EP300: variants seen among roughly 807,000 people sequenced by gnomAD.
EP300 encodes histone acetyltransferase p300.
In EP300, 31 loss-of-function variants were observed where a neutral mutation model predicts 264.0. The ratio of observed to expected loss-of-function variants is 0.12; its 90% CI spans 0.09 to 0.16. The LOEUF (loss-of-function observed/expected upper bound fraction) is 0.16. EP300 is among the 10% of genes least tolerant of loss of function. The probability of loss-of-function intolerance (pLI) is 1.00; values close to 1 mark genes in which losing one functional copy is unlikely to be tolerated. For synonymous variants in EP300, 1,340 were observed against 1,045.4 expected, an observed-to-expected ratio of 1.28 and a Z score of -5.44; for missense variants, 2,766 against 3,052.9, an observed-to-expected ratio of 0.91 and a Z score of 2.21.
Position 41,160,635 on chromosome 22 carries a change from C to T in EP300, c.3591-7C>T, listed in dbSNP as rs2145752288. The T allele has an allele frequency of 6.2e-7, 1 of 1,613,682 alleles. No individual in the cohort carries two copies. On this transcript the variant is annotated splice_polypyrimidine_tract_variant and splice_region_variant and intron_variant, in intron 19 of 30. Transcript: ENST00000263253. ...AGTTCACCCCAGTATGGCCTTCTTG[C>T]CGACAGGTATCATTTCTGTGAGAAG...
At chr22:41,148,054 C>T in intron 12 of EP300, 108 bp downstream of exon 12, 1 of 800,224 alleles carries the variant, frequency 1.2e-6, no homozygotes, top group Non-Finnish European at 2.0e-6. Context: ...GACCATAACT[C>T]CTAGTTCTTC....
intron 18 of EP300, among the ~76,000 whole-genome samples, chr22:41,158,209 G>A (rs2059088212): frequency 6.6e-6 from 1 of 152,214 alleles, no homozygotes; most frequent in Admixed American, 6.5e-5. Context: ...GTGATGGAAG[G>A]ATATGACTGC....
chr22:41,161,462 A>G (rs1601627459), intron 20 of EP300, among the ~76,000 whole-genome samples: 1 of 151,976 alleles, frequency 6.6e-6, no homozygotes, highest in Non-Finnish European at 1.5e-5. Flanking sequence ...CTAAAAATAC[A>G]AAAAATTAGC....
At chr22:41,097,520 T>C (rs2058708797) in intron 1 of EP300, among the ~76,000 whole-genome samples, 1 of 152,086 alleles carries the variant, frequency 6.6e-6, no homozygotes, top group African/African-American at 2.4e-5. Flanking sequence ...AAGTGGTAAA[T>C]AGGAAAGAGA....
chr22:41,092,921 G>T lies in EP300; in HGVS notation c.-84G>T. On this transcript the variant is annotated 5_prime_UTR_variant, in exon 1 of 31. Transcript: ENST00000263253. ...GTCGGAGCCCCCCAGCCCACCCCTG[G>T]GTGCGGCGCGGGGACCCCGGGCCGA... is the stretch of plus-strand genomic sequence containing the variant. 6.6e-7 allele frequency: 1 copy of T among 1,504,122 alleles called. No homozygotes were observed. Among genetic ancestry groups the T allele is most frequent in the Non-Finnish European group, 9.3e-7 (1 of 1,080,852 alleles). 93.2% of individuals were successfully genotyped at this position (1,504,122 alleles called of 1,614,324 possible).
intron 2 of EP300, among the ~76,000 whole-genome samples, chr22:41,119,630 A>G (rs2058841355): frequency 6.6e-6 from 1 of 152,104 alleles, no homozygotes; most frequent in Non-Finnish European, 1.5e-5. Context: ...ATGGAGAAAA[A>G]TAAGGAAAGG....
chr22:41,157,456 G>C lies in EP300; in HGVS notation c.3501+48G>C, dbSNP rs1425356901. On this transcript the variant is annotated intron_variant, in intron 18 of 30. Transcript: ENST00000263253. ...GACTTTAACTTTTCTGGGATACCTA[G>C]AATAATATAGTGGTGACTGGGATAA... 2.8e-6 allele frequency: 4 copies of C among 1,435,366 alleles called. No individual in the cohort carries two copies. In the Admixed American group the frequency reaches 7.3e-5, roughly 26 times the overall value. 88.9% of individuals were successfully genotyped at this position (1,435,366 alleles called of 1,614,324 possible). A position where few individuals can be genotyped will look rare whatever the true frequency, so the allele number is the denominator to read the frequency against.
intron 29 of EP300, 28 bp from the exon 30 acceptor site, chr22:41,176,208 AGGCCCTGTCTC>A: frequency 6.2e-7 from 1 of 1,610,544 alleles, no homozygotes; most frequent in Non-Finnish European, 8.5e-7. Context: ...TGACAGAGCG[AGGCCCTGTCTC>A]AAAAAAAAGA....
chr22:41,178,301 C>T lies in EP300; in HGVS notation c.6590C>T (p.Ala2197Val), dbSNP rs377595736. 1 of 1,614,050 alleles carries T rather than the reference C, an allele frequency of 6.2e-7. No individual in the cohort carries two copies. Among genetic ancestry groups the T allele is most frequent in the African/African-American group, 1.3e-5 (1 of 74,912 alleles). ...QMMQQQQQQGAGPGIGPGMAN... is the reference protein window; with the variant it reads ...QMMQQQQQQGVGPGIGPGMAN... The stretch of plus-strand genomic sequence containing the variant: ...ATGCAACAGCAGCAGCAACAGGGAG[C>T]AGGGCCAGGAATAGGCCCTGGAATG... The change falls in exon 31 of 31, where the codon GCA (alanine) becomes GTA (valine). Residue 2197 changes from alanine to valine, a missense_variant. Transcript: ENST00000263253.
intron 23 of EP300, among the ~76,000 whole-genome samples, chr22:41,167,747 G>T (rs1462625395): frequency 1.4e-5 from 2 of 138,268 alleles, no homozygotes; most frequent in African/African-American, 5.3e-5. Flanking sequence ...GCCTCCCAAA[G>T]TACAAGGATT....
chr22:41,178,663 C>T lies in EP300; in HGVS notation c.6952C>T (p.Pro2318Ser), dbSNP rs1601642243. 1 of 1,614,178 alleles carries T rather than the reference C, an allele frequency of 6.2e-7. No individual in the cohort carries two copies. The highest frequency in any genetic ancestry group is 8.5e-7 in the Non-Finnish European group (1 of 1,180,028). The change falls in exon 31 of 31, where the codon CCA (proline) becomes TCA (serine). Residue 2318 changes from proline to serine, a missense_variant. Coordinates refer to ENST00000263253, the MANE Select transcript of EP300 (RefSeq NM_001429.4). ...RSPQPVPSPR[P>S]QSQPPHSSPS... is the part of the protein sequence containing the mutation. Reference sequence around the variant, plus strand: ...TCCCCAGCCTGTCCCTTCTCCACGGCCACAGTCCCAGCCCCCCCACTCCAG... The same window carrying T: ...TCCCCAGCCTGTCCCTTCTCCACGGTCACAGTCCCAGCCCCCCCACTCCAG...
intron 29 of EP300, among the ~76,000 whole-genome samples, chr22:41,174,033 C>T (rs1390510369): frequency 4.6e-5 from 7 of 152,186 alleles, no homozygotes; most frequent in Admixed American, 3.9e-4. Context: ...TTGCTTGAAC[C>T]TGAGAAGCGG....
At chr22:41,141,320 A>G in intron 10 of EP300, 98 bp downstream of exon 10, 4 of 1,349,096 alleles carry the variant, frequency 3.0e-6, no homozygotes, top group Non-Finnish European at 4.1e-6. Context: ...TAACTATTCT[A>G]GAGTTTTTTA....
chr22:41,177,261 C>A lies in EP300; in HGVS notation c.5550C>A (p.Pro1850=), dbSNP rs745528143. 4 of 1,614,066 alleles carry A rather than the reference C, an allele frequency of 2.5e-6. No individual in the cohort carries two copies. Among genetic ancestry groups the A allele is most frequent in the East Asian group, 4.5e-5 (2 of 44,868 alleles). ...VVGQQQGLPS[P]TPATPTTPTG... ...GGCAGCAACAGGGCCTCCCTTCCCC[C>A]ACTCCTGCCACTCCAACGACACCAA... The change falls in exon 31 of 31, where the codon CCC becomes CCA. Residue 1850 remains proline (P), a synonymous_variant. Transcript: ENST00000263253.
Position 41,179,457 on chromosome 22 carries a change from AATAT to A in EP300, c.*507_*510del, listed in dbSNP as rs909217536. On this transcript the variant is annotated 3_prime_UTR_variant, in exon 31 of 31. Transcript: ENST00000263253. Reference sequence around the variant, plus strand: ...TAAAATTACATTCTATATATATATAAATATATATAAATATATATTAAAATACCAG... The same window carrying A: ...TAAAATTACATTCTATATATATATAAATATAAATATATATTAAAATACCAG... 8.6e-5 allele frequency: 14 copies of A among 162,142 alleles called. No homozygotes were observed. Among genetic ancestry groups the A allele is most frequent in the African/African-American group, 3.2e-4 (13 of 41,218 alleles). The allele number at this position is 162,142 out of a possible 1,614,324, so 10.0% of individuals were successfully genotyped here.
chr22:41,097,992 C>A (rs1461354051), intron 1 of EP300, among the ~76,000 whole-genome samples: 2 of 141,876 alleles, frequency 1.4e-5, no homozygotes, highest in Non-Finnish European at 3.2e-5. Context: ...CCGCGCCCAG[C>A]TAAAAATTTT....
intron 1 of EP300, among the ~76,000 whole-genome samples, chr22:41,108,869 G>A (rs1050117277): frequency 1.5e-4 from 23 of 152,136 alleles, no homozygotes; most frequent in African/African-American, 9.7e-5. Flanking sequence ...ATTTGCCATA[G>A]GATAGTTAAA....
chr22:41,148,476 TG>T (rs1168341722), intron 12 of EP300, among the ~76,000 whole-genome samples: 2 of 152,182 alleles, frequency 1.3e-5, no homozygotes, highest in Non-Finnish European at 2.9e-5. Flanking sequence ...ATAAGACAGA[TG>T]GTCTTAGCTT....
chr22:41,137,870 C>T (rs549687376), intron 8 of EP300, 80 bp downstream of exon 8: 1 of 1,594,866 alleles, frequency 6.3e-7, no homozygotes, highest in African/African-American at 1.3e-5. Flanking sequence ...CATTTAATTA[C>T]TAAAGGAATA....
Sources: allele counts gnomAD v4.1 joint callset (sites outside exome capture counted in the v4.1 genomes callset), GRCh38; gene constraint gnomAD v4.1.1; transcripts MANE v1.5; gene names NCBI Gene and HGNC (gene_info 2026-07-23, HGNC 2026-07-21).